The following ZDHHC17 variants were observed in gnomAD, a reference collection of about 807,000 sequenced individuals.
ZDHHC17 encodes the protein zDHHC palmitoyltransferase 17, also known as palmitoyltransferase ZDHHC17.
ZDHHC17 carries 40 observed loss-of-function variants against 90.3 expected under a neutral mutation model. That is an observed-to-expected ratio of 0.44 (90% confidence interval 0.34 to 0.58). The LOEUF is 0.58. Among genes scored for constraint, ZDHHC17 ranks in the 20% least tolerant of loss-of-function variants. ZDHHC17 has a pLI of 0.01. For synonymous variants in ZDHHC17, 235 were observed against 252.4 expected, an observed-to-expected ratio of 0.93 and a Z score of 0.65; for missense variants, 614 against 780.8, an observed-to-expected ratio of 0.79 and a Z score of 2.55.
In ZDHHC17 at chr12:76,849,456, T is replaced by G; in HGVS notation, c.1746T>G (p.Ile582Met). ...YKHFKVTTTSIESPFNHGCVR... is the reference protein window; with the variant it reads ...YKHFKVTTTSMESPFNHGCVR... ...ACTTTAAAGTCACAACAACGTCTAT[T>G]GAAAGCCCATTCAAGTATGTACATA... The change falls in exon 16 of 17, where the codon ATT becomes ATG. Residue 582 changes from isoleucine (I) to methionine (M), a missense_variant. By Grantham distance (10) the Ile-to-Met change is conservative. Around this residue, in one of 5 missense-constraint regions of ZDHHC17, gnomAD observed 111 missense variants for 179.8 expected, o/e 0.62. Transcript: ENST00000426126. 1.3e-6 allele frequency: 2 copies of G among 1,542,320 alleles called. No individual in the cohort carries two copies. The highest frequency in any genetic ancestry group is 2.4e-5 in the East Asian group (1 of 41,492).
chr12:76,849,166 C>G (rs1437274444), intron 15 of ZDHHC17, among the ~76,000 whole-genome samples: 8 of 98,374 alleles, frequency 8.1e-5, no homozygotes, highest in Non-Finnish European at 1.3e-4. Flanking sequence ...GAAAATTAGC[C>G]GGGCATGGTG....
intron 1 of ZDHHC17, among the ~76,000 whole-genome samples, chr12:76,777,093 C>CA (rs1351884307): frequency 6.6e-6 from 1 of 151,866 alleles, no homozygotes; most frequent in African/African-American, 2.4e-5. Context: ...ATAGCACAAC[C>CA]AGGAAATTAA....
intron 6 of ZDHHC17, among the ~76,000 whole-genome samples, chr12:76,815,636 C>A (rs1452084435): frequency 6.6e-6 from 1 of 151,684 alleles, no homozygotes; most frequent in Non-Finnish European, 1.5e-5. Flanking sequence ...AGTTGCTTAT[C>A]CCCTGAAACT....
chr12:76,819,883 C>A (rs1258354911), intron 7 of ZDHHC17, among the ~76,000 whole-genome samples: 1 of 151,362 alleles, frequency 6.6e-6, no homozygotes, highest in Non-Finnish European at 1.5e-5. Context: ...ATCCCAGCTA[C>A]TCGGGAGGCT....
intron 10 of ZDHHC17, among the ~76,000 whole-genome samples, chr12:76,831,969 G>T (rs7488137): frequency 0.61 from 92,849 of 152,056 alleles, 28,405 homozygotes; most frequent in East Asian, 0.67. Flanking sequence ...CATTTGTGTA[G>T]GTGTAAATGA....
At chr12:76,832,041 TG>T (rs1342872377) in intron 10 of ZDHHC17, among the ~76,000 whole-genome samples, 3 of 152,246 alleles carry the variant, frequency 2.0e-5, no homozygotes, top group Non-Finnish European at 4.4e-5. Flanking sequence ...CGAGGAAAAC[TG>T]TATACTTCAT....
chr12:76,820,797 C>A (rs1041459057), intron 7 of ZDHHC17, among the ~76,000 whole-genome samples: 5 of 152,086 alleles, frequency 3.3e-5, no homozygotes, highest in Non-Finnish European at 7.4e-5. Flanking sequence ...TGAATGATTT[C>A]TTTTATTAAC....
At chr12:76,835,590 GTTA>G (rs1648206762) in intron 10 of ZDHHC17, among the ~76,000 whole-genome samples, 3 of 151,868 alleles carry the variant, frequency 2.0e-5, no homozygotes, top group Admixed American at 6.6e-5. Flanking sequence ...TAGCTGATTA[GTTA>G]TTGACAACAA....
chr12:76,808,298 T>C (rs1952978036), intron 3 of ZDHHC17, among the ~76,000 whole-genome samples: 1 of 152,196 alleles, frequency 6.6e-6, no homozygotes, highest in Non-Finnish European at 1.5e-5. Flanking sequence ...GAAAGCATTA[T>C]AATGAACAGC....
intron 1 of ZDHHC17, among the ~76,000 whole-genome samples, chr12:76,789,498 G>A (rs1403300682): frequency 6.6e-6 from 1 of 152,122 alleles, no homozygotes; most frequent in Non-Finnish European, 1.5e-5. Flanking sequence ...AGAACATTTT[G>A]ATATATTGGT....
At chr12:76,778,722 T>C (rs530140050) in intron 1 of ZDHHC17, among the ~76,000 whole-genome samples, 76 of 152,380 alleles carry the variant, frequency 5.0e-4, no homozygotes, top group African/African-American at 1.8e-3. Context: ...ATGTTAAATA[T>C]CTTTTCATGT....
At chr12:76,787,495 TA>T (rs1952701927) in intron 1 of ZDHHC17, among the ~76,000 whole-genome samples, 1 of 152,140 alleles carries the variant, frequency 6.6e-6, no homozygotes, top group Non-Finnish European at 1.5e-5. Flanking sequence ...CATTGACTAT[TA>T]AAAAATGGAG....
chr12:76,821,152 G>T (rs1953159195), intron 7 of ZDHHC17: 4 of 1,278,828 alleles, frequency 3.1e-6, no homozygotes, highest in South Asian at 2.5e-5. Flanking sequence ...TTACCCAAGG[G>T]ATTGCTTTTA....
intron 8 of ZDHHC17, among the ~76,000 whole-genome samples, chr12:76,825,955 A>G (rs540522451): frequency 6.6e-6 from 1 of 152,158 alleles, no homozygotes; most frequent in Admixed American, 6.6e-5. Context: ...GCTGGGATAC[A>G]GTACAGGTGC....
At chr12:76,784,718 C>T (rs989440647) in intron 1 of ZDHHC17, among the ~76,000 whole-genome samples, 1 of 152,156 alleles carries the variant, frequency 6.6e-6, no homozygotes, top group African/African-American at 2.4e-5. Flanking sequence ...TGGCTGCAGA[C>T]AGGAGCAGAG....
chr12:76,786,445 G>A (rs1013451507), intron 1 of ZDHHC17, among the ~76,000 whole-genome samples: 1 of 152,050 alleles, frequency 6.6e-6, no homozygotes, highest in Non-Finnish European at 1.5e-5. Flanking sequence ...TAGTAGAGAT[G>A]GGGTTTTACC....
In ZDHHC17 at chr12:76,821,864, C is replaced by A. The variant is rs151204082; in HGVS notation, c.772-542C>A. On this transcript the variant is annotated intron_variant, in intron 7 of 16. Transcript: ENST00000426126. ...ACTTGAATTTGCTATTTTTTAAAAT[C>A]ATTTCTCGTTTACTTTGGAAACTTC... Among the ~76,000 whole-genome samples the A allele has an allele frequency of 3.9e-5, 6 of 152,064 alleles. No homozygotes were observed. The East Asian group carries it at 9.7e-4, about 25-fold the overall frequency.
rs767742087 is a variant in ZDHHC17, at chr12:76,819,011, G to A, written c.771+2992G>A. Among the ~76,000 whole-genome samples the A allele has an allele frequency of 2.4e-4, 36 of 152,194 alleles. 1 individual carries two copies. The highest frequency in any genetic ancestry group is 4.6e-4 in the Non-Finnish European group (31 of 68,040). On this transcript the variant is annotated intron_variant, in intron 7 of 16. Transcript: ENST00000426126. ...GTTAGCTTAGCCTAGGATCAGAGGA[G>A]TAGAGGTAGAGAGAAATGACTGGAT...
At chr12:76,764,404 C>A (rs547101679) in intron 1 of ZDHHC17, 75 bp downstream of exon 1, 2 of 1,409,544 alleles carry the variant, frequency 1.4e-6, no homozygotes, top group African/African-American at 2.9e-5. Flanking sequence ...CCGAGGGCGG[C>A]GGCCGACGTG....
Sources: gnomAD v4.1 joint callset for allele counts (sites outside exome capture counted in the v4.1 genomes callset) on GRCh38, gnomAD v4.1.1 for gene constraint, gnomAD v4.1.1 regional missense constraint, MANE v1.5 for transcripts, NCBI Gene and HGNC (gene_info 2026-07-23, HGNC 2026-07-21) for gene names.